Variants in SCN8A observed in about 807,000 individuals in gnomAD.
SCN8A encodes sodium channel protein type 8 subunit alpha.
Under a neutral mutation model 184.1 loss-of-function variants are expected in SCN8A, and 30 were observed. The observed-to-expected ratio is 0.16, with a 90% CI of 0.12 to 0.22. The LOEUF (loss-of-function observed/expected upper bound fraction) is 0.22. SCN8A is among the 10% of genes least tolerant of loss of function. The pLI is 1.00. For synonymous variants in SCN8A, 852 were observed against 907.0 expected, an observed-to-expected ratio of 0.94 and a Z score of 1.09; for missense variants, 1,057 against 2,498.9, an observed-to-expected ratio of 0.42 and a Z score of 12.30.
chr12:51,651,033 G>A (rs1325995925), intron 1 of SCN8A, among the ~76,000 whole-genome samples: 1 of 152,256 alleles, frequency 6.6e-6, no homozygotes, highest in Non-Finnish European at 1.5e-5. Flanking sequence ...TGCAGCAGCA[G>A]CATGTCCTTA....
In SCN8A at chr12:51,790,631, A is replaced by G. The variant is rs1938223199; in HGVS notation, c.4524+129A>G. On this transcript the variant is annotated intron_variant, in intron 25 of 26. Coordinates refer to ENST00000627620, the MANE Select transcript of SCN8A (RefSeq NM_001330260.2). Reference sequence around the variant, plus strand: ...GTGCCTAATCCTCTCCTCACCACCCATCCAAAAGATCTGAATAGGACAGCA... The same window carrying G: ...GTGCCTAATCCTCTCCTCACCACCCGTCCAAAAGATCTGAATAGGACAGCA... The G allele has an allele frequency of 4.9e-6, 3 of 617,436 alleles. No individual in the cohort carries two copies. In the South Asian group the frequency reaches 5.9e-5, roughly 12 times the overall value. 38.2% of individuals were successfully genotyped at this position (617,436 alleles called of 1,614,324 possible).
chr12:51,804,452 C>T lies in SCN8A; in HGVS notation c.4796-1830C>T, dbSNP rs187414440. On this transcript the variant is annotated intron_variant, in intron 26 of 26. Transcript: ENST00000627620. ...TCCTGCCTCAGCCTCCTGAGTAGCT[C>T]GGGTTACAGGCATGCGCCACCGCGC... Among the ~76,000 whole-genome samples, 200 of 148,886 alleles carry T rather than the reference C, an allele frequency of 1.3e-3. 4 individuals are homozygous for T. The East Asian group carries it at 0.027, about 20-fold the overall frequency.
chr12:51,799,237 C>T (rs921325076), intron 26 of SCN8A, among the ~76,000 whole-genome samples: 2 of 152,194 alleles, frequency 1.3e-5, no homozygotes, highest in African/African-American at 4.8e-5. Flanking sequence ...CCTCTTGTAA[C>T]TTACTTGTGC....
intron 2 of SCN8A, among the ~76,000 whole-genome samples, chr12:51,675,507 G>A (rs1429686133): frequency 6.6e-6 from 1 of 152,156 alleles, no homozygotes; most frequent in Non-Finnish European, 1.5e-5. Context: ...ATTAAGTAGA[G>A]GAGATTCGTT....
In SCN8A at chr12:51,809,682, T is replaced by A. The variant is rs1299030212; in HGVS notation, c.*2253T>A. The A allele has an allele frequency of 1.3e-5, 2 of 152,278 alleles. No homozygotes were observed. The highest frequency in any genetic ancestry group is 2.4e-5 in the African/African-American group (1 of 41,476). The allele number at this position is 152,278 out of a possible 1,614,324, so 9.4% of individuals were successfully genotyped here. A position where few individuals can be genotyped will look rare whatever the true frequency, so the allele number is the denominator to read the frequency against. On this transcript the variant is annotated 3_prime_UTR_variant, in exon 27 of 27. Transcript: ENST00000627620. Reference sequence around the variant, plus strand: ...AGCTGACATGTGTGGTTATTCTTTTTAAGAGAATTATAAATACTGTAATAT... The same window carrying A: ...AGCTGACATGTGTGGTTATTCTTTTAAAGAGAATTATAAATACTGTAATAT...
Position 51,806,329 on chromosome 12 carries a change from C to T in SCN8A, c.4843C>T (p.Leu1615=). 2.6e-6 allele frequency: 4 copies of T among 1,550,454 alleles called. No individual in the cohort carries two copies. Among genetic ancestry groups the T allele is most frequent in the Non-Finnish European group, 2.6e-6 (3 of 1,147,632 alleles). Residue 1615 remains leucine, a synonymous_variant, in exon 27 of 27, where the codon CTA becomes TTA. Coordinates refer to ENST00000627620, the MANE Select transcript of SCN8A (RefSeq NM_001330260.2). The surrounding 1 kb of genome is among the most constrained non-coding windows in gnomAD (Gnocchi z 8.7). Reference sequence around the variant, plus strand: ...TGAGAAATACTTTGTTTCCCCAACCCTATTCCGAGTCATCCGATTGGCCCG... The same window carrying T: ...TGAGAAATACTTTGTTTCCCCAACCTTATTCCGAGTCATCCGATTGGCCCG... ...IIEKYFVSPT[L]FRVIRLARIG...
chr12:51,675,234 G>A (rs1237549691), intron 2 of SCN8A, among the ~76,000 whole-genome samples: 1 of 152,214 alleles, frequency 6.6e-6, no homozygotes, highest in Non-Finnish European at 1.5e-5. Flanking sequence ...CAGCATTGAA[G>A]CAGGTGCACA....
At chr12:51,721,162 TA>T (rs1262629511) in intron 11 of SCN8A, among the ~76,000 whole-genome samples, 2 of 139,556 alleles carry the variant, frequency 1.4e-5, no homozygotes, top group African/African-American at 5.6e-5. Flanking sequence ...TATATGATAA[TA>T]AATAAATTCT....
At chr12:51,766,061 ACCCTGAATATTCTAC>A (rs1373019950) in intron 16 of SCN8A, 34 bp downstream of exon 16, 1 of 1,557,124 alleles carries the variant, frequency 6.4e-7, no homozygotes, top group East Asian at 2.2e-5. Context: ...TTTGTTCTAC[ACCCTGAATATTCTAC>A]CCCTGGCCCA....
intron 1 of SCN8A, among the ~76,000 whole-genome samples, chr12:51,592,375 G>C (rs2138539985): frequency 6.6e-6 from 1 of 152,000 alleles, no homozygotes; most frequent in African/African-American, 2.4e-5. Flanking sequence ...CTTCGAGTTG[G>C]GATGGAATGG....
chr12:51,690,211 A>G (rs1364070655), intron 6 of SCN8A, among the ~76,000 whole-genome samples: 3 of 152,158 alleles, frequency 2.0e-5, no homozygotes, highest in Non-Finnish European at 1.5e-5. Flanking sequence ...TGGGTTTTCA[A>G]GGAAGACTCC....
chr12:51,666,861 A>G (rs973966928), intron 2 of SCN8A, among the ~76,000 whole-genome samples: 1 of 152,128 alleles, frequency 6.6e-6, no homozygotes, highest in Admixed American at 6.5e-5. Flanking sequence ...TGGTTTGGCT[A>G]TCATAAGTAT....
intron 1 of SCN8A, among the ~76,000 whole-genome samples, chr12:51,635,601 T>C (rs1380854488): frequency 9.2e-5 from 14 of 152,074 alleles, no homozygotes; most frequent in Admixed American, 9.2e-4. Flanking sequence ...TTAGGCTGAG[T>C]AATAAGATGT....
chr12:51,626,584 C>A (rs905295605), intron 1 of SCN8A, among the ~76,000 whole-genome samples: 1 of 152,086 alleles, frequency 6.6e-6, no homozygotes, highest in Non-Finnish European at 1.5e-5. Context: ...GAATATCTAC[C>A]ATGCACCAGG....
intron 20 of SCN8A, among the ~76,000 whole-genome samples, chr12:51,777,659 C>T (rs1937747716): frequency 6.6e-6 from 1 of 152,158 alleles, no homozygotes; most frequent in Non-Finnish European, 1.5e-5. Flanking sequence ...AACAGCTTAT[C>T]TCCCAGCAAC....
chr12:51,610,077 GGA>G (rs1160670614), intron 1 of SCN8A, among the ~76,000 whole-genome samples: 2 of 151,072 alleles, frequency 1.3e-5, no homozygotes, highest in African/African-American at 4.9e-5. Flanking sequence ...GGCTGAGGCA[GGA>G]GAACTGCTTG....
chr12:51,795,577 G>C (rs763117332), intron 26 of SCN8A, among the ~76,000 whole-genome samples: 4 of 152,202 alleles, frequency 2.6e-5, no homozygotes, highest in African/African-American at 9.6e-5. Flanking sequence ...CCACCCTCTA[G>C]TTCTGTCCTC....
intron 1 of SCN8A, among the ~76,000 whole-genome samples, chr12:51,634,626 G>GA (rs1230112265): frequency 6.8e-6 from 1 of 147,730 alleles, no homozygotes; most frequent in Non-Finnish European, 1.5e-5. Flanking sequence ...TTTCTACAAT[G>GA]AAATACGTAT....
intron 1 of SCN8A, among the ~76,000 whole-genome samples, chr12:51,608,099 C>T (rs978630553): frequency 1.3e-5 from 2 of 150,338 alleles, no homozygotes; most frequent in African/African-American, 2.5e-5. Flanking sequence ...CGGCTCACTG[C>T]AAGCTCCGCC....
Sources: allele counts gnomAD v4.1 joint callset (sites outside exome capture counted in the v4.1 genomes callset), GRCh38; gene constraint gnomAD v4.1.1; non-coding constraint Gnocchi (gnomAD v3.1); transcripts MANE v1.5; gene names NCBI Gene and HGNC (gene_info 2026-07-23, HGNC 2026-07-21).